Variants in TMEM117 observed in about 807,000 individuals in gnomAD.
The protein encoded by TMEM117 is transmembrane protein 117.
In TMEM117, 27 loss-of-function variants were observed where a neutral mutation model predicts 52.4. The ratio of observed to expected loss-of-function variants is 0.51; its 90% confidence interval spans 0.38 to 0.71. The LOEUF is 0.71. TMEM117 is among the 30% of genes least tolerant of loss of function. The pLI, the probability that TMEM117 is intolerant of heterozygous loss-of-function variation, is 0.00. For missense variants in TMEM117, 556 were observed against 630.5 expected (o/e 0.88, Z 1.26); for synonymous variants, 215 against 206.3 (o/e 1.04, Z -0.36).
chr12:44,234,046 A>G (rs1262215714), intron 5 of TMEM117, among the ~76,000 whole-genome samples: 4 of 151,368 alleles, frequency 2.6e-5, no homozygotes, highest in African/African-American at 7.3e-5. Flanking sequence ...AGGTTCATAT[A>G]TGATATTGGC....
At chr12:44,376,428 T>A (rs760583891) in intron 6 of TMEM117, 167 bp from the exon 7 acceptor site, 28 of 788,412 alleles carry the variant, frequency 3.6e-5, no homozygotes, top group Non-Finnish European at 5.2e-5. Context: ...TGCATACTGC[T>A]ACCTAATGTA....
intron 3 of TMEM117, among the ~76,000 whole-genome samples, chr12:43,982,330 A>G (rs1945773874): frequency 6.6e-6 from 1 of 152,128 alleles, no homozygotes; most frequent in Admixed American, 6.6e-5. Context: ...AAATGGGTGC[A>G]CTACTGAGTG....
chr12:44,297,472 A>G (rs1950783159), intron 5 of TMEM117, among the ~76,000 whole-genome samples: 1 of 152,188 alleles, frequency 6.6e-6, no homozygotes, highest in Non-Finnish European at 1.5e-5. Flanking sequence ...GGGAGGTGAG[A>G]GGCTCTGTGA....
At chr12:43,855,209 G>A (rs1234433372) in intron 2 of TMEM117, among the ~76,000 whole-genome samples, 1 of 152,038 alleles carries the variant, frequency 6.6e-6, no homozygotes, top group Non-Finnish European at 1.5e-5. Context: ...TTTGGATCTC[G>A]GAACTGTGGA....
At chr12:44,226,728 C>A (rs559065810) in intron 5 of TMEM117, among the ~76,000 whole-genome samples, 2 of 152,112 alleles carry the variant, frequency 1.3e-5, no homozygotes, top group East Asian at 3.9e-4. Flanking sequence ...CAGACACACA[C>A]AGAGTGTAGA....
chr12:43,907,630 C>T (rs7955148), intron 2 of TMEM117, among the ~76,000 whole-genome samples: 102,595 of 144,768 alleles, frequency 0.71, 39,365 homozygotes, highest in East Asian at 0.86. Context: ...ACTAGAATAA[C>T]CAATACAGAG....
chr12:44,172,467 C>T (rs149808792), intron 4 of TMEM117, among the ~76,000 whole-genome samples: 134 of 152,274 alleles, frequency 8.8e-4, no homozygotes, highest in African/African-American at 3.0e-3. Flanking sequence ...CTTTACATAG[C>T]AGTTATTCTT....
chr12:44,129,745 G>A (rs955806904), intron 3 of TMEM117, among the ~76,000 whole-genome samples: 7 of 152,188 alleles, frequency 4.6e-5, no homozygotes, highest in African/African-American at 1.7e-4. Context: ...GTACCAAGAA[G>A]CTTAGTCAGT....
chr12:44,010,244 G>C (rs1946268158), intron 3 of TMEM117: 1 of 467,142 alleles, frequency 2.1e-6, no homozygotes, highest in Admixed American at 2.3e-5. Context: ...ATATCAATGA[G>C]TAGATCTTCC....
At chr12:44,168,454 A>G (rs1948999831) in intron 4 of TMEM117, among the ~76,000 whole-genome samples, 2 of 151,880 alleles carry the variant, frequency 1.3e-5, no homozygotes, top group South Asian at 4.1e-4. Flanking sequence ...TGACAGCATA[A>G]TAACATAAGC....
intron 3 of TMEM117, among the ~76,000 whole-genome samples, chr12:44,024,253 A>G (rs1414957866): frequency 1.3e-5 from 2 of 152,212 alleles, no homozygotes; most frequent in African/African-American, 4.8e-5. Context: ...CAGTTGATAT[A>G]TCTACTTAGA....
the TMEM117 span, among the ~76,000 whole-genome samples, chr12:43,801,567 T>G: frequency 1.3e-5 from 2 of 152,206 alleles, no homozygotes; most frequent in Non-Finnish European, 2.9e-5. Flanking sequence ...CCTAAAATAC[T>G]TGTTTGTATG....
intron 3 of TMEM117, among the ~76,000 whole-genome samples, chr12:43,960,298 G>T (rs1397581276): frequency 2.0e-5 from 3 of 151,344 alleles, no homozygotes; most frequent in African/African-American, 7.3e-5. Flanking sequence ...GGAGAGGGGG[G>T]TTGAGTAAGG....
intron 6 of TMEM117, among the ~76,000 whole-genome samples, chr12:44,332,027 A>G (rs1357705201): frequency 6.6e-6 from 1 of 152,064 alleles, no homozygotes; most frequent in East Asian, 1.9e-4. Context: ...GAGGCATCAC[A>G]CTTATTTATC....
chr12:44,135,519 G>A (rs1948477408), intron 3 of TMEM117, among the ~76,000 whole-genome samples: 2 of 152,174 alleles, frequency 1.3e-5, no homozygotes, highest in Non-Finnish European at 2.9e-5. Flanking sequence ...TATCACTGGA[G>A]CCTAAAATTG....
intron 3 of TMEM117, among the ~76,000 whole-genome samples, chr12:43,974,185 A>G (rs571025509): frequency 6.6e-6 from 1 of 152,208 alleles, no homozygotes; most frequent in East Asian, 1.9e-4. Flanking sequence ...TTGTTTCACT[A>G]CCTATTTCTT....
intron 2 of TMEM117, among the ~76,000 whole-genome samples, chr12:43,932,740 T>C (rs997328511): frequency 1.6e-4 from 25 of 152,362 alleles, no homozygotes; most frequent in Non-Finnish European, 3.1e-4. Context: ...ACTCCTAATC[T>C]GTCATTTAAA....
At chr12:44,009,116 T>A in intron 3 of TMEM117, 1 of 337,270 alleles carries the variant, frequency 3.0e-6, no homozygotes, top group South Asian at 2.5e-5. Flanking sequence ...GAAGCTCTTG[T>A]TTACAAGTGG....
chr12:44,334,502 T>C (rs192702549), intron 6 of TMEM117, among the ~76,000 whole-genome samples: 1 of 152,016 alleles, frequency 6.6e-6, no homozygotes, highest in Non-Finnish European at 1.5e-5. Flanking sequence ...AAGTCTTTTT[T>C]AATCACCTTG....
Sources: gnomAD v4.1 joint callset for allele counts (sites outside exome capture counted in the v4.1 genomes callset) on GRCh38, gnomAD v4.1.1 for gene constraint, MANE v1.5 for transcripts, NCBI Gene and HGNC (gene_info 2026-07-23, HGNC 2026-07-21) for gene names.